Variants in CHL1 observed in about 807,000 individuals in gnomAD.
CHL1 encodes the protein neural cell adhesion molecule L1-like protein.
A neutral mutation model predicts 141.9 loss-of-function variants in CHL1; 96 were observed. The ratio of observed to expected loss-of-function variants is 0.68; its 90% CI spans 0.57 to 0.80. The LOEUF (loss-of-function observed/expected upper bound fraction) is 0.80. Ranked by LOEUF, CHL1 falls within the 30% of genes least tolerant of loss-of-function variation. CHL1 has a pLI of 0.00. For synonymous variants in CHL1, 613 were observed against 502.2 expected, an observed-to-expected ratio of 1.22 and a Z score of -2.95; for missense variants, 1,820 against 1,457.2, an observed-to-expected ratio of 1.25 and a Z score of -4.05.
At chr3:330,706 G>A (rs1210488795) in intron 5 of CHL1, among the ~76,000 whole-genome samples, 1 of 152,110 alleles carries the variant, frequency 6.6e-6, no homozygotes, top group Admixed American at 6.6e-5. Context: ...TTTTGTTTCT[G>A]TTTGTGAAAT....
chr3:343,255 A>G (rs997419327), intron 8 of CHL1, among the ~76,000 whole-genome samples: 1 of 152,206 alleles, frequency 6.6e-6, no homozygotes, highest in African/African-American at 2.4e-5. Flanking sequence ...ATACTTATAT[A>G]TAATGCATTG....
At chr3:388,472 G>A (rs976948710) in intron 19 of CHL1, among the ~76,000 whole-genome samples, 20 of 150,398 alleles carry the variant, frequency 1.3e-4, no homozygotes, top group Admixed American at 2.7e-4. Flanking sequence ...GCTTGCACCC[G>A]GGAGATGGAG....
chr3:229,695 C>T (rs1701688539), intron 1 of CHL1, among the ~76,000 whole-genome samples: 1 of 151,708 alleles, frequency 6.6e-6, no homozygotes. Context: ...TTATGAAATG[C>T]CTATTGAGGT....
Position 406,148 on chromosome 3 carries a change from C to A in CHL1, c.*437C>A, listed in dbSNP as rs887123978. 2.0e-5 allele frequency: 3 copies of A among 153,724 alleles called. No homozygotes were observed. The highest frequency in any genetic ancestry group is 7.2e-5 in the African/African-American group (3 of 41,430). 9.5% of individuals were successfully genotyped at this position (153,724 alleles called of 1,614,324 possible). On this transcript the variant is annotated 3_prime_UTR_variant, in exon 28 of 28. Transcript: ENST00000256509. ...TCACTACAGGTTAAAAGACCATAAG[C>A]AAACTGGTTATTTAAAATGTAAAAA... is the stretch of plus-strand genomic sequence containing the variant.
chr3:322,381 C>T (rs960797961), intron 3 of CHL1, among the ~76,000 whole-genome samples: 1 of 151,684 alleles, frequency 6.6e-6, no homozygotes, highest in African/African-American at 2.4e-5. Flanking sequence ...TGTCAATGCT[C>T]AAAATGTGGT....
intron 2 of CHL1, among the ~76,000 whole-genome samples, chr3:268,514 G>A (rs186282889): frequency 4.4e-4 from 67 of 152,056 alleles, no homozygotes; most frequent in African/African-American, 1.4e-3. Flanking sequence ...CAGCCTGGGT[G>A]ACAGAGCGGG....
intron 12 of CHL1, among the ~76,000 whole-genome samples, chr3:360,717 T>A (rs2125258711): frequency 6.8e-6 from 1 of 147,226 alleles, no homozygotes; most frequent in African/African-American, 2.6e-5. Context: ...ATTAGGTATA[T>A]CTCCCGATGC....
At chr3:197,466 G>C (rs1177861541) in intron 1 of CHL1, 1 of 164,086 alleles carries the variant, frequency 6.1e-6, no homozygotes, top group African/African-American at 2.4e-5. Flanking sequence ...CCCTCTCTCG[G>C]GTGGGGCTCC....
At chr3:298,712 G>A (rs1448372603) in intron 2 of CHL1, among the ~76,000 whole-genome samples, 1 of 152,126 alleles carries the variant, frequency 6.6e-6, no homozygotes, top group Non-Finnish European at 1.5e-5. Flanking sequence ...TATTTCCAGG[G>A]AGTGGTCCCT....
rs80023234 is a variant in CHL1 at position 317,426 on chromosome 3, A to G, written c.-94-2257A>G. On this transcript the variant is annotated intron_variant, in intron 2 of 27. Coordinates refer to ENST00000256509, the MANE Select transcript of CHL1 (RefSeq NM_006614.4). ...TCTTGTTCCCTATTTCAGAGGTGAG[A>G]TGATGTTAAATATTAATCTGGAAAT... 1.4e-4 allele frequency among the ~76,000 whole-genome samples: 22 copies of G among 152,008 alleles called. No homozygotes were observed. The East Asian group carries it at 3.3e-3, about 23-fold the overall frequency.
chr3:244,436 C>T (rs141969986), intron 1 of CHL1, among the ~76,000 whole-genome samples, 177 bp from the exon 2 acceptor site: 61 of 152,194 alleles, frequency 4.0e-4, no homozygotes, highest in Non-Finnish European at 1.3e-4. Context: ...ATTCGCAGGA[C>T]CCCTTTTTTA....
At chr3:267,670 G>A (rs564522955) in intron 2 of CHL1, among the ~76,000 whole-genome samples, 1 of 152,274 alleles carries the variant, frequency 6.6e-6, no homozygotes, top group African/African-American at 2.4e-5. Context: ...AACCGTGTGT[G>A]TATTTCAAAC....
At chr3:313,475 A>T (rs887458960) in intron 2 of CHL1, among the ~76,000 whole-genome samples, 3 of 152,180 alleles carry the variant, frequency 2.0e-5, no homozygotes, top group Non-Finnish European at 4.4e-5. Context: ...AAAAGGGAAA[A>T]TCGAAGCATT....
chr3:315,206 C>T (rs1444592724), intron 2 of CHL1, among the ~76,000 whole-genome samples: 1 of 152,098 alleles, frequency 6.6e-6, no homozygotes, highest in Non-Finnish European at 1.5e-5. Context: ...TCACTTAAAT[C>T]TCATAAGTGT....
intron 5 of CHL1, among the ~76,000 whole-genome samples, chr3:337,914 T>TA (rs1702043506): frequency 6.6e-6 from 1 of 152,166 alleles, no homozygotes; most frequent in Non-Finnish European, 1.5e-5. Flanking sequence ...GGTCAAATGG[T>TA]ATTTCTAGTT....
chr3:264,151 T>C lies in CHL1; in HGVS notation c.-95+19459T>C, dbSNP rs186041627. Reference sequence around the variant, plus strand: ...GTTAAATGAGTTGAAGGAGTCTTTTTATGTACTCTATTCAAATAACACTAA... The same window carrying C: ...GTTAAATGAGTTGAAGGAGTCTTTTCATGTACTCTATTCAAATAACACTAA... On this transcript the variant is annotated intron_variant, in intron 2 of 27. Coordinates refer to ENST00000256509, the MANE Select transcript of CHL1 (RefSeq NM_006614.4). Among the ~76,000 whole-genome samples the C allele has an allele frequency of 1.8e-3, 272 of 152,352 alleles. 3 individuals are homozygous for C. Among genetic ancestry groups the C allele is most frequent in the African/African-American group, 6.1e-3 (254 of 41,582 alleles).
intron 2 of CHL1, among the ~76,000 whole-genome samples, chr3:318,759 A>G (rs997783006): frequency 1.3e-5 from 2 of 151,426 alleles, no homozygotes; most frequent in African/African-American, 2.4e-5. Flanking sequence ...GGAACTATCC[A>G]TCTTCTATTA....
chr3:218,794 G>A (rs142542566), intron 1 of CHL1, among the ~76,000 whole-genome samples: 177 of 152,256 alleles, frequency 1.2e-3, no homozygotes, highest in African/African-American at 4.2e-3. Context: ...CACGTTTCAT[G>A]CAAATCAAAA....
chr3:334,552 G>A (rs1030638729), intron 5 of CHL1, among the ~76,000 whole-genome samples: 1 of 152,082 alleles, frequency 6.6e-6, no homozygotes, highest in Admixed American at 6.5e-5. Context: ...TTTTTCATAT[G>A]TCTTCTTTCA....
Sources: allele counts gnomAD v4.1 joint callset (sites outside exome capture counted in the v4.1 genomes callset), GRCh38; gene constraint gnomAD v4.1.1; transcripts MANE v1.5; gene names NCBI Gene and HGNC (gene_info 2026-07-23, HGNC 2026-07-21).